Variants in DLG2 observed in about 807,000 individuals in gnomAD.
The protein encoded by DLG2 is discs large MAGUK scaffold protein 2, also known as disks large homolog 2.
In DLG2, 45 loss-of-function variants were observed where a neutral mutation model predicts 132.5. The ratio of observed to expected loss-of-function variants is 0.34; its 90% CI spans 0.27 to 0.44. DLG2 has a LOEUF of 0.44. DLG2 is among the 20% of genes least tolerant of loss of function. The pLI is 1.00. For synonymous variants in DLG2, 424 were observed against 419.6 expected (o/e 1.01, Z -0.13); for missense variants, 1,045 against 1,196.9 (o/e 0.87, Z 1.87).
intron 5 of DLG2, 127 bp downstream of exon 5, chr11:85,154,429 G>C: frequency 3.7e-6 from 2 of 547,228 alleles, no homozygotes; most frequent in South Asian, 6.6e-5. Flanking sequence ...ATGCTGACCA[G>C]GCCAAAGCTA....
intron 3 of DLG2, among the ~76,000 whole-genome samples, chr11:85,357,810 A>T (rs1291841698): frequency 6.8e-6 from 1 of 146,076 alleles, no homozygotes; most frequent in African/African-American, 2.5e-5. Flanking sequence ...TCCTCATGAC[A>T]ACTGTTAGAG....
intron 3 of DLG2, among the ~76,000 whole-genome samples, chr11:85,288,205 A>T (rs1406767496): frequency 6.6e-6 from 1 of 152,030 alleles, no homozygotes; most frequent in Non-Finnish European, 1.5e-5. Flanking sequence ...ATAAAGAAAA[A>T]TTTTGTGTTT....
chr11:85,626,334 G>A (rs1214103376), intron 2 of DLG2, among the ~76,000 whole-genome samples: 2 of 151,984 alleles, frequency 1.3e-5, no homozygotes, highest in Non-Finnish European at 2.9e-5. Flanking sequence ...CCAAATCTGC[G>A]GTACTGAATC....
At chr11:84,190,385 C>T (rs2154290294) in intron 8 of DLG2, among the ~76,000 whole-genome samples, 1 of 152,204 alleles carries the variant, frequency 6.6e-6, no homozygotes, top group South Asian at 2.1e-4. Context: ...TAATGAACCT[C>T]AAGGTTACAA....
intron 18 of DLG2, among the ~76,000 whole-genome samples, chr11:83,646,113 C>T (rs547224667): frequency 8.9e-4 from 135 of 152,192 alleles, no homozygotes; most frequent in Non-Finnish European, 1.5e-3. Context: ...CAAGCTAGCT[C>T]GGTTCAGTGG....
intron 4 of DLG2, among the ~76,000 whole-genome samples, chr11:85,186,936 G>A (rs1044174342): frequency 6.6e-5 from 10 of 151,886 alleles, no homozygotes; most frequent in African/African-American, 1.9e-4. Flanking sequence ...AGCCCATATC[G>A]ATAATGAATA....
At chr11:83,489,915 G>A (rs1158836115) in intron 21 of DLG2, among the ~76,000 whole-genome samples, 1 of 151,696 alleles carries the variant, frequency 6.6e-6, no homozygotes, top group Non-Finnish European at 1.5e-5. Flanking sequence ...GGAGGAAGGA[G>A]AGGAAGACTC....
intron 8 of DLG2, among the ~76,000 whole-genome samples, chr11:84,211,687 T>C (rs527432669): frequency 1.3e-5 from 2 of 152,354 alleles, no homozygotes; most frequent in East Asian, 1.9e-4. Flanking sequence ...CAAGATAAAA[T>C]AGACTTTCCT....
chr11:84,639,109 T>G (rs919843685), intron 6 of DLG2, among the ~76,000 whole-genome samples: 1 of 152,190 alleles, frequency 6.6e-6, no homozygotes, highest in Non-Finnish European at 1.5e-5. Flanking sequence ...TGTTATGAGT[T>G]CCTTCTCATT....
chr11:85,358,483 AC>A (rs2083908747), intron 3 of DLG2, among the ~76,000 whole-genome samples: 1 of 152,244 alleles, frequency 6.6e-6, no homozygotes. Context: ...TGAGCACTGA[AC>A]CATGCTCTAA....
At chr11:84,643,409 C>A (rs971644557) in intron 6 of DLG2, among the ~76,000 whole-genome samples, 2 of 152,194 alleles carry the variant, frequency 1.3e-5, no homozygotes, top group African/African-American at 4.8e-5. Flanking sequence ...GATGTAGAAT[C>A]TGATGACCCA....
intron 11 of DLG2, among the ~76,000 whole-genome samples, chr11:84,049,820 G>T (rs2096324397): frequency 6.6e-6 from 1 of 151,752 alleles, no homozygotes; most frequent in Admixed American, 6.6e-5. Context: ...TGTTAGAAAT[G>T]AAAGATTGCT....
intron 18 of DLG2, among the ~76,000 whole-genome samples, chr11:83,688,378 T>C (rs191397940): frequency 6.6e-6 from 1 of 152,166 alleles, no homozygotes; most frequent in African/African-American, 2.4e-5. Context: ...CTTTGTTAAG[T>C]ATCTAGAACA....
chr11:83,520,667 AAAGAAAGACAGACAGGTAAGTAGGTAGG>A lies in DLG2; in HGVS notation c.2193+12013_2193+12040del, dbSNP rs758602943. ...GATAGATAGATAGATAGATAGATAG[AAAGAAAGACAGACAGGTAAGTAGGTAGG>A]TAGATAGATAGATAGATAGATAGAT... On this transcript the variant is annotated intron_variant, in intron 21 of 27. Coordinates refer to ENST00000376104, the MANE Select transcript of DLG2 (RefSeq NM_001142699.3). Among the ~76,000 whole-genome samples, 19 of 142,758 alleles carry A rather than the reference AAAGAAAGACAGACAGGTAAGTAGGTAGG, an allele frequency of 1.3e-4. 1 individual carries two copies. Among genetic ancestry groups the A allele is most frequent in the African/African-American group, 1.8e-4 (7 of 39,206 alleles). The allele number at this position is 142,758 out of a possible 152,430, so 93.7% of individuals were successfully genotyped here. A position where few individuals can be genotyped will look rare whatever the true frequency, so the allele number is the denominator to read the frequency against.
At chr11:83,523,608 C>G (rs958528150) in intron 21 of DLG2, among the ~76,000 whole-genome samples, 1 of 152,128 alleles carries the variant, frequency 6.6e-6, no homozygotes, top group African/African-American at 2.4e-5. Context: ...ATAATATTTA[C>G]CTCACAGGGT....
At chr11:84,161,995 G>A (rs1017076673) in intron 9 of DLG2, among the ~76,000 whole-genome samples, 1 of 152,112 alleles carries the variant, frequency 6.6e-6, no homozygotes, top group African/African-American at 2.4e-5. Flanking sequence ...TGGTTTAAAA[G>A]CACTCACACT....
At chr11:85,475,228 T>C (rs182644859) in intron 3 of DLG2, among the ~76,000 whole-genome samples, 64 of 151,904 alleles carry the variant, frequency 4.2e-4, no homozygotes, top group African/African-American at 1.5e-3. Context: ...ATCAAAGTAG[T>C]AGCAAAACTG....
At chr11:83,784,195 C>T (rs1308146944) in intron 18 of DLG2, among the ~76,000 whole-genome samples, 1 of 152,268 alleles carries the variant, frequency 6.6e-6, no homozygotes, top group Non-Finnish European at 1.5e-5. Context: ...ATAAAGGGCA[C>T]TTGGTGAGAA....
At chr11:85,319,368 C>G (rs1479907743) in intron 3 of DLG2, among the ~76,000 whole-genome samples, 1 of 151,734 alleles carries the variant, frequency 6.6e-6, no homozygotes, top group Non-Finnish European at 1.5e-5. Flanking sequence ...AGTTCCAGTA[C>G]ATCATTAACT....
Sources: gnomAD v4.1 joint callset for allele counts (sites outside exome capture counted in the v4.1 genomes callset) on GRCh38, gnomAD v4.1.1 for gene constraint, MANE v1.5 for transcripts, NCBI Gene and HGNC (gene_info 2026-07-23, HGNC 2026-07-21) for gene names.